The following TENM2 variants were observed in gnomAD, a reference collection of about 807,000 sequenced individuals.
The protein encoded by TENM2 is teneurin transmembrane protein 2.
A neutral mutation model predicts 245.2 loss-of-function variants in TENM2; 52 were observed. The observed-to-expected ratio is 0.21, with a 90% confidence interval of 0.17 to 0.27. TENM2 has a LOEUF of 0.27. Among genes scored for constraint, TENM2 ranks in the 10% least tolerant of loss-of-function variants. TENM2 has a pLI of 1.00. For synonymous variants in TENM2, 1,363 were observed against 1,438.9 expected, an observed-to-expected ratio of 0.95 and a Z score of 1.19; for missense variants, 3,046 against 3,666.8, an observed-to-expected ratio of 0.83 and a Z score of 4.37.
At chr5:168,008,101 AG>A (rs1239801742) in intron 5 of TENM2, among the ~76,000 whole-genome samples, 2 of 152,240 alleles carry the variant, frequency 1.3e-5, no homozygotes, top group Non-Finnish European at 2.9e-5. Flanking sequence ...TGGAGTTCAG[AG>A]AAGGGAGAAA....
intron 1 of TENM2, among the ~76,000 whole-genome samples, chr5:167,316,676 A>C (rs1756383335): frequency 6.6e-6 from 1 of 152,220 alleles, no homozygotes; most frequent in Admixed American, 6.5e-5. Context: ...TCACTTTAGT[A>C]AACTCTGTAG....
At chr5:167,625,049 A>G (rs891093490) in intron 2 of TENM2, among the ~76,000 whole-genome samples, 8 of 152,034 alleles carry the variant, frequency 5.3e-5, no homozygotes, top group African/African-American at 2.4e-5. Flanking sequence ...TCATTTAGCA[A>G]ATCACTTCCT....
intron 5 of TENM2, among the ~76,000 whole-genome samples, chr5:168,005,292 A>G (rs1166682758): frequency 6.6e-6 from 1 of 152,214 alleles, no homozygotes; most frequent in African/African-American, 2.4e-5. Flanking sequence ...TGTATGACTA[A>G]GGGATTTCTT....
At chr5:167,495,605 A>G (rs1057281621) in intron 2 of TENM2, among the ~76,000 whole-genome samples, 11 of 152,100 alleles carry the variant, frequency 7.2e-5, no homozygotes, top group African/African-American at 2.7e-4. Context: ...TGCTGGCAAT[A>G]TACTATAGTG....
chr5:167,341,996 G>A (rs1235766874), intron 1 of TENM2, among the ~76,000 whole-genome samples: 1 of 152,100 alleles, frequency 6.6e-6, no homozygotes, highest in Admixed American at 6.5e-5. Flanking sequence ...AGTTTTAGAT[G>A]TACAGAATTA....
intron 2 of TENM2, among the ~76,000 whole-genome samples, chr5:167,684,958 G>C (rs1020275235): frequency 1.3e-5 from 2 of 152,168 alleles, no homozygotes; most frequent in Non-Finnish European, 2.9e-5. Context: ...ACTCACATAA[G>C]ATCTTATGGA....
At chr5:166,981,589 G>A in the TENM2 span, among the ~76,000 whole-genome samples, 4 of 152,084 alleles carry the variant, frequency 2.6e-5, no homozygotes, top group African/African-American at 9.7e-5. Flanking sequence ...AAAGATAACT[G>A]ACCAGGCTAA....
At chr5:167,591,180 A>C (rs1396727892) in intron 2 of TENM2, among the ~76,000 whole-genome samples, 1 of 152,202 alleles carries the variant, frequency 6.6e-6, no homozygotes, top group Non-Finnish European at 1.5e-5. Context: ...TCCTTGGTGG[A>C]GTGAATTTGA....
intron 27 of TENM2, among the ~76,000 whole-genome samples, chr5:168,255,783 A>G (rs1767596985): frequency 6.6e-6 from 1 of 152,066 alleles, no homozygotes; most frequent in Non-Finnish European, 1.5e-5. Flanking sequence ...TGGTAGTGAC[A>G]TAAAATTTAT....
At chr5:167,664,386 C>T (rs1755437627) in intron 2 of TENM2, among the ~76,000 whole-genome samples, 1 of 152,178 alleles carries the variant, frequency 6.6e-6, no homozygotes, top group South Asian at 2.1e-4. Context: ...TACAATCTTT[C>T]CCTGAGGGGA....
chr5:167,163,899 G>A, the TENM2 span, among the ~76,000 whole-genome samples: 2 of 152,268 alleles, frequency 1.3e-5, no homozygotes, highest in South Asian at 4.1e-4. Flanking sequence ...AGGCAAAGGT[G>A]CAGTCTCCAA....
At chr5:167,777,333 C>T (rs1763876568) in intron 2 of TENM2, among the ~76,000 whole-genome samples, 1 of 152,048 alleles carries the variant, frequency 6.6e-6, no homozygotes, top group African/African-American at 2.4e-5. Flanking sequence ...TTCTCTTTTC[C>T]TATATTATTT....
chr5:167,096,917 T>C, the TENM2 span, among the ~76,000 whole-genome samples: 1 of 152,172 alleles, frequency 6.6e-6, no homozygotes, highest in Non-Finnish European at 1.5e-5. Context: ...TTGGTTAAAC[T>C]GCTGAAATTG....
chr5:167,821,043 G>A (rs1767481170), intron 2 of TENM2: 1 of 152,236 alleles, frequency 6.6e-6, no homozygotes, highest in Admixed American at 6.5e-5. Flanking sequence ...AAAAGGTGGG[G>A]AGTGGGGTAA....
the TENM2 span, among the ~76,000 whole-genome samples, chr5:167,266,686 T>C: frequency 6.6e-6 from 1 of 152,234 alleles, no homozygotes; most frequent in East Asian, 1.9e-4. Context: ...GATAGGTATA[T>C]CTAAATAAAA....
At chr5:168,093,827 A>C (rs1482259384) in intron 8 of TENM2, among the ~76,000 whole-genome samples, 1 of 152,338 alleles carries the variant, frequency 6.6e-6, no homozygotes, top group African/African-American at 2.4e-5. Context: ...AGGGGATTGA[A>C]ATGTGAGCTC....
intron 2 of TENM2, among the ~76,000 whole-genome samples, chr5:167,554,579 G>A (rs948646245): frequency 4.6e-5 from 7 of 152,164 alleles, no homozygotes; most frequent in African/African-American, 1.4e-4. Flanking sequence ...CATTCTAAGC[G>A]ACTTTTATGG....
chr5:167,297,116 G>A (rs758590284), intron 1 of TENM2, among the ~76,000 whole-genome samples: 9 of 152,266 alleles, frequency 5.9e-5, no homozygotes, highest in Middle Eastern at 3.4e-3. Flanking sequence ...ATACTCTATA[G>A]AATATAATAT....
chr5:168,238,447 T>C (rs1765807124), intron 25 of TENM2, among the ~76,000 whole-genome samples: 1 of 152,078 alleles, frequency 6.6e-6, no homozygotes, highest in African/African-American at 2.4e-5. Context: ...GTGACCCCCC[T>C]CACTAATCTT....
Sources: allele counts gnomAD v4.1 joint callset (sites outside exome capture counted in the v4.1 genomes callset), GRCh38; gene constraint gnomAD v4.1.1; transcripts MANE v1.5; gene names NCBI Gene and HGNC (gene_info 2026-07-23, HGNC 2026-07-21).